The following LIG3 variants were observed in gnomAD, a reference collection of about 807,000 sequenced individuals.
LIG3 encodes ligase II, DNA, ATP-dependent.
Under a neutral mutation model 110.9 loss-of-function variants are expected in LIG3, and 58 were observed. The ratio of observed to expected loss-of-function variants is 0.52; its 90% CI spans 0.42 to 0.65. The LOEUF is 0.65. Ranked by LOEUF, LIG3 falls within the 30% of genes least tolerant of loss-of-function variation. The probability of loss-of-function intolerance (pLI) is 0.00; values close to 1 mark genes in which losing one functional copy is unlikely to be tolerated. For missense variants in LIG3, 1,094 were observed against 1,273.8 expected, an observed-to-expected ratio of 0.86 and a Z score of 2.15; for synonymous variants, 422 against 472.8, an observed-to-expected ratio of 0.89 and a Z score of 1.39.
At chr17:34,998,769 A>G (rs771571197) in intron 14 of LIG3, 42 bp downstream of exon 14, 1 of 1,594,766 alleles carries the variant, frequency 6.3e-7, no homozygotes, top group Non-Finnish European at 8.6e-7. Context: ...CTGTTTTAGA[A>G]GGTACCGCTT....
intron 1 of LIG3, among the ~76,000 whole-genome samples, chr17:34,982,035 G>A (rs1391708305): frequency 2.0e-5 from 3 of 152,200 alleles, no homozygotes; most frequent in Non-Finnish European, 4.4e-5. Flanking sequence ...AGCTCTTGCT[G>A]TGTGCCCAAC....
At chr17:35,003,094 G>C in intron 19 of LIG3, 6 of 1,612,892 alleles carry the variant, frequency 3.7e-6, no homozygotes, top group African/African-American at 2.7e-5. Flanking sequence ...TCACTCAGCT[G>C]CTGGCCCCAA....
At chr17:35,010,060 T>C (rs992083846), downstream of LIG3, 2 of 152,482 alleles carry the variant, frequency 1.3e-5, no homozygotes, top group East Asian at 1.9e-4. Flanking sequence ...TTGAGGTAAG[T>C]GGCCCAGTGT....
Position 34,998,243 on chromosome 17 carries a change from A to G in LIG3, c.1936A>G (p.Ile646Val). Residue 646 changes from isoleucine to valine, a missense_variant, in exon 13 of 20, where the codon ATA becomes GTA. Physicochemically the swap from Ile to Val is conservative, Grantham distance 29. Transcript: ENST00000378526. Reference sequence around the variant, plus strand: ...GAAAGCTTTGGACTTGGCTGACATGATAACCCGGGTGATCCAGGAGGGATT... The same window carrying G: ...GAAAGCTTTGGACTTGGCTGACATGGTAACCCGGGTGATCCAGGAGGGATT... ...VTKALDLADMITRVIQEGLEG... is the reference protein window; with the variant it reads ...VTKALDLADMVTRVIQEGLEG... 2 of 1,613,602 alleles carry G rather than the reference A, an allele frequency of 1.2e-6. No homozygotes were observed. The highest frequency in any genetic ancestry group is 1.7e-6 in the Non-Finnish European group (2 of 1,179,732).
In LIG3 at chr17:34,980,607, G is replaced by C; in HGVS notation, c.-20G>C. The C allele has an allele frequency of 1.6e-6, 2 of 1,284,514 alleles. No individual in the cohort carries two copies. The highest frequency in any genetic ancestry group is 2.0e-6 in the Non-Finnish European group (2 of 986,366). 79.6% of individuals were successfully genotyped at this position (1,284,514 alleles called of 1,614,324 possible). Reference sequence around the variant, plus strand: ...AGTTCCGAGGCCTACGGTGAGCGCCGGAGCCGGAGAGGCAGGTGAGGGGCT... The same window carrying C: ...AGTTCCGAGGCCTACGGTGAGCGCCCGAGCCGGAGAGGCAGGTGAGGGGCT... On this transcript the variant is annotated 5_prime_UTR_variant, in exon 1 of 20. Transcript: ENST00000378526.
At chr17:34,987,434 T>C (rs1231850170) in intron 3 of LIG3, among the ~76,000 whole-genome samples, 1 of 152,260 alleles carries the variant, frequency 6.6e-6, no homozygotes, top group Non-Finnish European at 1.5e-5. Flanking sequence ...ACTTCAGTAC[T>C]TGTGCTCTTT....
chr17:34,981,301 G>T (rs1275232551), intron 1 of LIG3: 1 of 152,286 alleles, frequency 6.6e-6, no homozygotes, highest in Non-Finnish European at 1.5e-5. Context: ...TCTAGGAAAA[G>T]TGTTGAAACT....
At chr17:35,001,871 G>A (rs759928288) in intron 17 of LIG3, 38 bp from the exon 18 acceptor site, 1 of 1,577,922 alleles carries the variant, frequency 6.3e-7, no homozygotes, top group South Asian at 1.2e-5. Flanking sequence ...GACTGGGAAG[G>A]CAATGAAACC....
intron 14 of LIG3, 22 bp from the exon 15 acceptor site, chr17:34,999,285 T>A: frequency 3.7e-6 from 6 of 1,604,008 alleles, no homozygotes; most frequent in Non-Finnish European, 5.1e-6. Context: ...CAACCCACAC[T>A]CATCTCACAC....
At chr17:34,988,190 CAAAAAAAAAA>C (rs555462146) in intron 3 of LIG3, among the ~76,000 whole-genome samples, 8 of 45,700 alleles carry the variant, frequency 1.8e-4, no homozygotes, top group South Asian at 1.1e-3. Context: ...GACTCTGTCT[CAAAAAAAAAA>C]AAAAAAAAAA....
rs1597803361 is a variant in LIG3 at position 35,001,963 on chromosome 17, G to A, written c.2533G>A (p.Glu845Lys). 1 of 1,612,948 alleles carries A rather than the reference G, an allele frequency of 6.2e-7. No individual in the cohort carries two copies. ...KADFTVVAGD[E>K]GSSTTGGSSE... is the part of the protein sequence containing the mutation. ...AGACTTCACTGTAGTGGCTGGAGAT[G>A]AGGGGAGCTCCACTACAGGGGGTAG... Residue 845 changes from glutamate to lysine, a missense_variant, in exon 18 of 20, where the codon GAG becomes AAG. Glu to Lys is a moderately conservative substitution (Grantham distance 56). Transcript: ENST00000378526.
At position 35,008,410 on chromosome 17, in the gene LIG3, ATTAGCTTGTGGT is replaced by A. The variant is rs1171046344; in HGVS notation, c.*3908_*3919del. On this transcript the variant is annotated 3_prime_UTR_variant, in exon 20 of 20. Coordinates refer to ENST00000378526, the MANE Select transcript of LIG3 (RefSeq NM_013975.4). ...TCCCAGGCCATGTGCACATCCCAGG[ATTAGCTTGTGGT>A]TTATCAGTTGTCAATTTTTTTTTTT... 1.3e-5 allele frequency: 2 copies of A among 151,922 alleles called. No individual in the cohort carries two copies. Among genetic ancestry groups the A allele is most frequent in the South Asian group, 4.2e-4 (2 of 4,810 alleles). The allele number at this position is 151,922 out of a possible 1,614,324, so 9.4% of individuals were successfully genotyped here. A position where few individuals can be genotyped will look rare whatever the true frequency, so the allele number is the denominator to read the frequency against.
At position 34,991,657 on chromosome 17, in the gene LIG3, G is replaced by T; in HGVS notation, c.1042-14G>T. On this transcript the variant is annotated splice_polypyrimidine_tract_variant and intron_variant, in intron 5 of 19. Transcript: ENST00000378526. ...CTAGGGTTGCAGCAGTGGCATTTTG[G>T]TTTTTGGAGACAGGGTGACGTGTCA... The T allele has an allele frequency of 6.2e-7, 1 of 1,612,960 alleles. No homozygotes were observed. The highest frequency in any genetic ancestry group is 8.5e-7 in the Non-Finnish European group (1 of 1,179,880).
At chr17:34,982,950 T>A in intron 1 of LIG3, 52 bp from the exon 2 acceptor site, 1 of 1,435,944 alleles carries the variant, frequency 7.0e-7, no homozygotes. Context: ...GAAGCCTATC[T>A]CCTTGTTTAT....
chr17:34,983,466 CA>C lies in LIG3; in HGVS notation c.469del (p.Ile157SerfsTer21). The C allele has an allele frequency of 6.2e-7, 1 of 1,612,668 alleles. No individual in the cohort carries two copies. Among genetic ancestry groups the C allele is most frequent in the African/African-American group, 1.3e-5 (1 of 74,698 alleles). On this transcript the variant is annotated frameshift_variant, in exon 2 of 20. Coordinates refer to ENST00000378526, the MANE Select transcript of LIG3 (RefSeq NM_013975.4). LOFTEE classifies it high-confidence loss of function. ...FEKLERARAT[T>X]KKIEDLTELE... ...AAACTAGAGCGGGCCCGGGCCACCACAAAAAAAATCGAGGACCTCACAGAGC... is the reference window on the plus strand; with the variant it reads ...AAACTAGAGCGGGCCCGGGCCACCACAAAAAAATCGAGGACCTCACAGAGC...
chr17:34,987,290 T>C (rs1295547985), intron 3 of LIG3, among the ~76,000 whole-genome samples: 1 of 152,246 alleles, frequency 6.6e-6, no homozygotes, highest in African/African-American at 2.4e-5. Context: ...CTTTTATATA[T>C]GTAGTTTCAT....
chr17:35,008,456 C>T lies in LIG3; in HGVS notation c.*3950C>T, dbSNP rs1001452084. The T allele has an allele frequency of 6.6e-6, 1 of 150,576 alleles. No individual in the cohort carries two copies. The highest frequency in any genetic ancestry group is 2.4e-5 in the African/African-American group (1 of 40,840). The allele number at this position is 150,576 out of a possible 1,614,324, so 9.3% of individuals were successfully genotyped here. On this transcript the variant is annotated 3_prime_UTR_variant, in exon 20 of 20. Transcript: ENST00000378526. ...TGTCAATTTTTTTTTTTTTTTAATA[C>T]AGGGTCTCACTCTGTCACCCTGGCT...
In LIG3 at chr17:35,005,703, T is replaced by G. The variant is rs1285630072; in HGVS notation, c.*1197T>G. 1.8e-6 allele frequency: 1 copy of G among 560,762 alleles called. No individual in the cohort carries two copies. The highest frequency in any genetic ancestry group is 4.7e-5 in the East Asian group (1 of 21,360). 34.7% of individuals were successfully genotyped at this position (560,762 alleles called of 1,614,324 possible). On this transcript the variant is annotated 3_prime_UTR_variant, in exon 20 of 20. Coordinates refer to ENST00000378526, the MANE Select transcript of LIG3 (RefSeq NM_013975.4). ...ACTGAGTTTTTTCATGGCTGGAGTA[T>G]TCATGTGAATGAAACTGCCGGGCTA...
intron 1 of LIG3, among the ~76,000 whole-genome samples, chr17:34,981,325 C>G (rs183145254): frequency 2.6e-4 from 40 of 152,334 alleles, no homozygotes; most frequent in Non-Finnish European, 4.7e-4. Flanking sequence ...TTGTTCTGAC[C>G]TCCTTTTATG....
Sources: allele counts gnomAD v4.1 joint callset (sites outside exome capture counted in the v4.1 genomes callset), GRCh38; gene constraint gnomAD v4.1.1; transcripts MANE v1.5; gene names NCBI Gene and HGNC (gene_info 2026-07-23, HGNC 2026-07-21).